Variants in PHLPP1 observed in about 807,000 individuals in gnomAD.
The protein encoded by PHLPP1 is PH domain and leucine rich repeat protein phosphatase 1.
PHLPP1 carries 42 observed loss-of-function variants against 117.2 expected under a neutral mutation model. That is an observed-to-expected ratio of 0.36 (90% CI 0.28 to 0.46). The LOEUF (loss-of-function observed/expected upper bound fraction) is 0.46. PHLPP1 is among the 20% of genes least tolerant of loss of function. The pLI is 1.00. For synonymous variants in PHLPP1, 1,042 were observed against 970.7 expected (o/e 1.07, Z -1.37); for missense variants, 2,084 against 2,241.9 (o/e 0.93, Z 1.42).
intron 1 of PHLPP1, among the ~76,000 whole-genome samples, chr18:62,803,921 G>A (rs1049309693): frequency 1.3e-5 from 2 of 152,050 alleles, no homozygotes; most frequent in Non-Finnish European, 2.9e-5. Context: ...ATTTTAATTC[G>A]CATTTCCCTG....
chr18:62,852,377 T>C (rs990222043), intron 3 of PHLPP1, among the ~76,000 whole-genome samples: 1 of 152,180 alleles, frequency 6.6e-6, no homozygotes, highest in Non-Finnish European at 1.5e-5. Context: ...GGAGTCTCAC[T>C]GTGTCACCCT....
chr18:62,925,256 T>G (rs1312106388), intron 10 of PHLPP1, among the ~76,000 whole-genome samples: 1 of 152,150 alleles, frequency 6.6e-6, no homozygotes, highest in Non-Finnish European at 1.5e-5. Flanking sequence ...GCATGCACAT[T>G]TGATGGCCAG....
chr18:62,926,136 T>A (rs1909621701), intron 10 of PHLPP1, among the ~76,000 whole-genome samples: 1 of 152,196 alleles, frequency 6.6e-6, no homozygotes, highest in African/African-American at 2.4e-5. Context: ...ACTGACAATT[T>A]TTTCAAAACT....
intron 1 of PHLPP1, among the ~76,000 whole-genome samples, chr18:62,775,264 A>AT (rs1912914525): frequency 6.6e-6 from 1 of 151,928 alleles, no homozygotes; most frequent in Non-Finnish European, 1.5e-5. Context: ...CGCCCGGCTA[A>AT]TTTTTTGTAT....
intron 1 of PHLPP1, among the ~76,000 whole-genome samples, chr18:62,724,873 G>C (rs952942998): frequency 6.6e-6 from 1 of 152,084 alleles, no homozygotes; most frequent in Non-Finnish European, 1.5e-5. Flanking sequence ...ACCTTTGTGG[G>C]ATGCATGATA....
Position 62,716,641 on chromosome 18 carries a change from C to T in PHLPP1, c.958C>T (p.Pro320Ser). The T allele has an allele frequency of 5.0e-6, 7 of 1,402,924 alleles. No homozygotes were observed. The highest frequency in any genetic ancestry group is 6.5e-6 in the Non-Finnish European group (7 of 1,080,514). The allele number at this position is 1,402,924 out of a possible 1,614,324, so 86.9% of individuals were successfully genotyped here. A position where few individuals can be genotyped will look rare whatever the true frequency, so the allele number is the denominator to read the frequency against. ...GGWSRRASPA[P>S]SDSSPGEPFV... ...GTGGTCGCGCCGCGCCAGCCCAGCG[C>T]CCTCGGACTCCAGCCCCGGCGAGCC... Residue 320 changes from proline (P) to serine (S), a missense_variant, in exon 1 of 17, where the codon CCC (proline) becomes TCC (serine). By Grantham distance (74) the Pro-to-Ser change is moderately conservative (BLOSUM62 -1). Transcript: ENST00000262719. This position sits in a 1 kb window ranked among gnomAD's most constrained non-coding sequence, Gnocchi z 5.7.
chr18:62,799,090 C>T (rs1913705770), intron 1 of PHLPP1, among the ~76,000 whole-genome samples: 1 of 152,076 alleles, frequency 6.6e-6, no homozygotes, highest in African/African-American at 2.4e-5. Context: ...GAATGGAGTT[C>T]ACAGACAATG....
At chr18:62,836,286 T>C (rs1360046837) in intron 2 of PHLPP1, among the ~76,000 whole-genome samples, 1 of 150,536 alleles carries the variant, frequency 6.6e-6, no homozygotes, top group Non-Finnish European at 1.5e-5. Flanking sequence ...ATACAAAAAT[T>C]GGTGGCGCAG....
chr18:62,867,606 C>G (rs1235074503), intron 4 of PHLPP1, among the ~76,000 whole-genome samples: 1 of 152,180 alleles, frequency 6.6e-6, no homozygotes, highest in Non-Finnish European at 1.5e-5. Context: ...TTCCTCTCAG[C>G]ACCTTTTTCT....
Position 62,838,783 on chromosome 18 carries a change from G to A in PHLPP1, c.1774-1G>A. 1 of 1,613,638 alleles carries A rather than the reference G, an allele frequency of 6.2e-7. No homozygotes were observed. The highest frequency in any genetic ancestry group is 8.5e-7 in the Non-Finnish European group (1 of 1,179,712). On this transcript the variant is annotated splice_acceptor_variant, in intron 2 of 16. Transcript: ENST00000262719. LOFTEE classifies it high-confidence loss of function. ...CTGCTTCTCTCTGTTTGCTTTTATAGGTAGAAGAAGTGAAAAAGCACCAAC... is the reference window on the plus strand; with the variant it reads ...CTGCTTCTCTCTGTTTGCTTTTATAAGTAGAAGAAGTGAAAAAGCACCAAC...
intron 4 of PHLPP1, among the ~76,000 whole-genome samples, chr18:62,874,341 C>G (rs992545344): frequency 6.6e-6 from 1 of 151,992 alleles, no homozygotes. Flanking sequence ...AACCCTATCT[C>G]TACTAAAAAT....
chr18:62,729,078 G>GT (rs917572738), intron 1 of PHLPP1, among the ~76,000 whole-genome samples: 16 of 151,942 alleles, frequency 1.1e-4, no homozygotes, highest in African/African-American at 3.4e-4. Context: ...AAAATGAAGT[G>GT]TTTTTTTTAG....
intron 10 of PHLPP1, among the ~76,000 whole-genome samples, chr18:62,928,575 A>G (rs1311336273): frequency 6.6e-6 from 1 of 152,218 alleles, no homozygotes; most frequent in African/African-American, 2.4e-5. Context: ...ATGTAAAGTG[A>G]TGCAAGTACT....
intron 1 of PHLPP1, among the ~76,000 whole-genome samples, chr18:62,776,286 A>G (rs1455134450): frequency 6.6e-6 from 1 of 152,168 alleles, no homozygotes; most frequent in Non-Finnish European, 1.5e-5. Flanking sequence ...GGCAGGCTGG[A>G]AATGTAGACA....
At chr18:62,723,215 G>A (rs1173133428) in intron 1 of PHLPP1, among the ~76,000 whole-genome samples, 2 of 152,204 alleles carry the variant, frequency 1.3e-5, no homozygotes, top group African/African-American at 4.8e-5. Flanking sequence ...TTTGGAGGTT[G>A]CACATATTGT....
intron 4 of PHLPP1, among the ~76,000 whole-genome samples, chr18:62,877,565 C>A (rs1916078537): frequency 6.6e-6 from 1 of 152,224 alleles, no homozygotes; most frequent in African/African-American, 2.4e-5. Context: ...ACCAGGGTTC[C>A]ATGAGGCTTG....
chr18:62,948,860 A>G (rs1398380471), intron 12 of PHLPP1, among the ~76,000 whole-genome samples: 1 of 152,182 alleles, frequency 6.6e-6, no homozygotes, highest in Non-Finnish European at 1.5e-5. Flanking sequence ...TTAAGTTGCA[A>G]TATAAGTATG....
At chr18:62,899,122 A>C (rs932649919) in intron 6 of PHLPP1, among the ~76,000 whole-genome samples, 1 of 152,184 alleles carries the variant, frequency 6.6e-6, no homozygotes, top group Admixed American at 6.5e-5. Context: ...GATGTTGTCA[A>C]ACTTGCACAG....
intron 1 of PHLPP1, among the ~76,000 whole-genome samples, chr18:62,757,502 G>C (rs1292206025): frequency 6.6e-5 from 10 of 152,084 alleles, no homozygotes; most frequent in Admixed American, 5.9e-4. Flanking sequence ...ATTTGTATGG[G>C]GTGTCCCCAT....
Sources: gnomAD v4.1 joint callset for allele counts (sites outside exome capture counted in the v4.1 genomes callset) on GRCh38, gnomAD v4.1.1 for gene constraint, Gnocchi (gnomAD v3.1) non-coding constraint, MANE v1.5 for transcripts, NCBI Gene and HGNC (gene_info 2026-07-23, HGNC 2026-07-21) for gene names.